The following RPS6KC1 variants were observed in gnomAD, a reference collection of about 807,000 sequenced individuals.
The protein encoded by RPS6KC1 is ribosomal protein S6 kinase C1, also known as inactive ribosomal protein S6 kinase delta-1.
RPS6KC1 carries 54 observed loss-of-function variants against 103.8 expected under a neutral mutation model. The observed-to-expected ratio is 0.52, with a 90% CI of 0.42 to 0.65. The LOEUF (loss-of-function observed/expected upper bound fraction) is 0.65, where lower values mean the gene tolerates loss of function less well. Among genes scored for constraint, RPS6KC1 ranks in the 30% least tolerant of loss-of-function variants. RPS6KC1 has a pLI of 0.00. For synonymous variants in RPS6KC1, 439 were observed against 438.7 expected, an observed-to-expected ratio of 1.00 and a Z score of -0.01; for missense variants, 1,151 against 1,253.8, an observed-to-expected ratio of 0.92 and a Z score of 1.24.
chr1:213,573,805 T>G, the RPS6KC1 span, among the ~76,000 whole-genome samples: 1 of 152,162 alleles, frequency 6.6e-6, no homozygotes, highest in African/African-American at 2.4e-5. Flanking sequence ...AACAATAGAT[T>G]GTATGAAGAA....
intron 8 of RPS6KC1, among the ~76,000 whole-genome samples, chr1:213,220,012 TAAAA>T: frequency 6.6e-6 from 1 of 151,928 alleles, no homozygotes; most frequent in Non-Finnish European, 1.5e-5. Flanking sequence ...TATAATAATT[TAAAA>T]AAACCCATCA....
chr1:213,432,864 A>T, the RPS6KC1 span, among the ~76,000 whole-genome samples: 2 of 151,994 alleles, frequency 1.3e-5, no homozygotes, highest in African/African-American at 4.8e-5. Context: ...GTATGAATGT[A>T]CTACAATTTG....
the RPS6KC1 span, among the ~76,000 whole-genome samples, chr1:213,730,028 G>C: frequency 6.6e-6 from 1 of 152,052 alleles, no homozygotes; most frequent in South Asian, 2.1e-4. Flanking sequence ...TGCTGTGTTC[G>C]ATTTTCTCTT....
the RPS6KC1 span, among the ~76,000 whole-genome samples, chr1:213,623,190 T>TAAA: frequency 6.6e-6 from 1 of 151,974 alleles, no homozygotes; most frequent in Non-Finnish European, 1.5e-5. Flanking sequence ...ACACATGGAG[T>TAAA]AAATGAAAAC....
At chr1:213,841,713 C>T in the RPS6KC1 span, among the ~76,000 whole-genome samples, 1 of 152,146 alleles carries the variant, frequency 6.6e-6, no homozygotes, top group Non-Finnish European at 1.5e-5. Flanking sequence ...TTTAAGGAAA[C>T]AGTTTCTTAA....
At chr1:213,232,658 T>C (rs1230595819) in intron 10 of RPS6KC1, among the ~76,000 whole-genome samples, 2 of 152,190 alleles carry the variant, frequency 1.3e-5, no homozygotes, top group East Asian at 1.9e-4. Context: ...ATTACCTCCT[T>C]CTTTTAGAAG....
At chr1:213,569,777 A>G in the RPS6KC1 span, among the ~76,000 whole-genome samples, 1 of 152,184 alleles carries the variant, frequency 6.6e-6, no homozygotes, top group Non-Finnish European at 1.5e-5. Flanking sequence ...GCATTCAGCC[A>G]TCATTCCCTC....
At chr1:213,198,084 T>A (rs1014114737) in intron 8 of RPS6KC1, among the ~76,000 whole-genome samples, 6 of 152,166 alleles carry the variant, frequency 3.9e-5, no homozygotes, top group African/African-American at 1.4e-4. Flanking sequence ...TGTATTTTGG[T>A]GTATTTCGAT....
chr1:213,121,608 T>G (rs1172494208), intron 5 of RPS6KC1, among the ~76,000 whole-genome samples: 1 of 152,210 alleles, frequency 6.6e-6, no homozygotes, highest in East Asian at 1.9e-4. Context: ...TGCATATCAG[T>G]TGAGCTCCTT....
chr1:213,249,982 G>T (rs2094517391), intron 12 of RPS6KC1, among the ~76,000 whole-genome samples: 1 of 152,164 alleles, frequency 6.6e-6, no homozygotes, highest in Admixed American at 6.5e-5. Flanking sequence ...GAAATTCAGA[G>T]CTAGGTAGTG....
At chr1:213,082,146 C>G (rs564249868) in intron 3 of RPS6KC1, among the ~76,000 whole-genome samples, 5 of 152,000 alleles carry the variant, frequency 3.3e-5, no homozygotes, top group African/African-American at 1.2e-4. Flanking sequence ...TTGGGCCCGG[C>G]ACGGTGGCTC....
At chr1:213,736,778 T>C in the RPS6KC1 span, among the ~76,000 whole-genome samples, 2 of 152,260 alleles carry the variant, frequency 1.3e-5, no homozygotes, top group Non-Finnish European at 2.9e-5. Context: ...GTTTTAGCAC[T>C]GAAAGTCCTG....
At chr1:213,608,188 C>A in the RPS6KC1 span, among the ~76,000 whole-genome samples, 2 of 152,258 alleles carry the variant, frequency 1.3e-5, no homozygotes, top group South Asian at 4.2e-4. Context: ...AAAGCACCTG[C>A]CTGGTGGAGC....
chr1:213,350,562 A>C, the RPS6KC1 span, among the ~76,000 whole-genome samples: 1 of 152,146 alleles, frequency 6.6e-6, no homozygotes, highest in African/African-American at 2.4e-5. Context: ...CATATTGGCT[A>C]TTGCTTCTTA....
At chr1:213,519,124 C>A in the RPS6KC1 span, among the ~76,000 whole-genome samples, 1 of 152,162 alleles carries the variant, frequency 6.6e-6, no homozygotes, top group African/African-American at 2.4e-5. Context: ...CAAAATATGA[C>A]TGTTATTCCA....
chr1:213,696,461 C>T, the RPS6KC1 span, among the ~76,000 whole-genome samples: 4 of 144,452 alleles, frequency 2.8e-5, no homozygotes, highest in Admixed American at 7.0e-5. Flanking sequence ...GAGATCACGC[C>T]GTTGCACTCC....
At chr1:213,851,422 A>G in the RPS6KC1 span, among the ~76,000 whole-genome samples, 2 of 152,056 alleles carry the variant, frequency 1.3e-5, no homozygotes, top group Non-Finnish European at 2.9e-5. Flanking sequence ...CCAGTCATAA[A>G]TGTGGAAACC....
chr1:213,655,023 A>G, the RPS6KC1 span, among the ~76,000 whole-genome samples: 1 of 152,070 alleles, frequency 6.6e-6, no homozygotes, highest in Admixed American at 6.6e-5. Flanking sequence ...TTTCAAGATC[A>G]TGGTATGTTT....
chr1:213,756,233 A>G, the RPS6KC1 span, among the ~76,000 whole-genome samples: 1 of 152,194 alleles, frequency 6.6e-6, no homozygotes, highest in African/African-American at 2.4e-5. Context: ...CTCCCTTGAG[A>G]GCAAAAGACC....
Sources: allele counts gnomAD v4.1 joint callset (sites outside exome capture counted in the v4.1 genomes callset), GRCh38; gene constraint gnomAD v4.1.1; transcripts MANE v1.5; gene names NCBI Gene and HGNC (gene_info 2026-07-23, HGNC 2026-07-21).